MYO1F: variants seen among roughly 807,000 people sequenced by gnomAD.
MYO1F encodes myosin IF.
A neutral mutation model predicts 146.6 loss-of-function variants in MYO1F; 60 were observed. That is an observed-to-expected ratio of 0.41 (90% confidence interval 0.33 to 0.51). The LOEUF (loss-of-function observed/expected upper bound fraction) is 0.51. Among genes scored for constraint, MYO1F ranks in the 20% least tolerant of loss-of-function variants. The probability of loss-of-function intolerance (pLI) is 0.25; values close to 1 mark genes in which losing one functional copy is unlikely to be tolerated. For synonymous variants in MYO1F, 602 were observed against 602.1 expected, an observed-to-expected ratio of 1.00 and a Z score of 0.00; for missense variants, 1,274 against 1,534.3, an observed-to-expected ratio of 0.83 and a Z score of 2.83.
intron 1 of MYO1F, among the ~76,000 whole-genome samples, chr19:8,568,422 C>CAAAAAAA (rs55833513): frequency 0.15 from 9,774 of 65,908 alleles, 1,178 homozygotes; most frequent in South Asian, 0.17. Context: ...GACTCCGTCT[C>CAAAAAAA]AAAAAAAAAA....
At position 8,553,169 on chromosome 19, in the gene MYO1F, C is replaced by T. The variant is rs750365581; in HGVS notation, c.474G>A (p.Lys158=). The T allele has an allele frequency of 2.5e-6, 4 of 1,614,198 alleles. No homozygotes were observed. The highest frequency in any genetic ancestry group is 3.4e-6 in the Non-Finnish European group (4 of 1,180,048). Reference sequence around the variant, plus strand: ...GGCTGGAATTGTTGTTGCGCACAGTCTTGGCGTTGCCGAAGGCCTCGAGCA... The same window carrying T: ...GGCTGGAATTGTTGTTGCGCACAGTTTTGGCGTTGCCGAAGGCCTCGAGCA... ...NPLLEAFGNA[K]TVRNNNSSRF... is the part of the protein sequence containing the mutation. The change falls in exon 6 of 28, where the codon AAG becomes AAA. Residue 158 remains lysine (K), a synonymous_variant. Coordinates refer to ENST00000644032, the MANE Select transcript of MYO1F (RefSeq NM_012335.4).
At chr19:8,544,000 TGGTGGC>T (rs1176648618) in intron 14 of MYO1F, 12,305 of 154,598 alleles carry the variant, frequency 0.08, 705 homozygotes, top group Admixed American at 0.13. Flanking sequence ...GTGGTGCTGG[TGGTGGC>T]GGTGGCGGTG....
chr19:8,575,444 G>A (rs993844206), intron 1 of MYO1F, among the ~76,000 whole-genome samples: 1 of 151,982 alleles, frequency 6.6e-6, no homozygotes, highest in African/African-American at 2.4e-5. Context: ...CAGGGTTTGC[G>A]ATCCTGTGAT....
At chr19:8,552,289 G>T in intron 6 of MYO1F, 125 bp from the exon 7 acceptor site, 1 of 1,057,872 alleles carries the variant, frequency 9.5e-7, no homozygotes, top group Non-Finnish European at 1.4e-6. Context: ...GACAGAATCT[G>T]ACTCTGTTGC....
chr19:8,535,954 T>G (rs750084762), intron 19 of MYO1F, among the ~76,000 whole-genome samples: 1 of 152,136 alleles, frequency 6.6e-6, no homozygotes, highest in African/African-American at 2.4e-5. Flanking sequence ...GTGCTGGGAT[T>G]ACAGGCATGA....
chr19:8,548,232 C>G lies in MYO1F; in HGVS notation c.1182+5G>C, dbSNP rs780824357. 6.2e-7 allele frequency: 1 copy of G among 1,613,794 alleles called. No individual in the cohort carries two copies. Among genetic ancestry groups the G allele is most frequent in the Non-Finnish European group, 8.5e-7 (1 of 1,179,942 alleles). Reference sequence around the variant, plus strand: ...AGGATGTGGGCTGGAGGCAGGGGGCCGTACCTGGAAGATCTCGAAGCCGTA... The same window carrying G: ...AGGATGTGGGCTGGAGGCAGGGGGCGGTACCTGGAAGATCTCGAAGCCGTA... On this transcript the variant is annotated splice_donor_5th_base_variant and intron_variant, in intron 11 of 27. Transcript: ENST00000644032.
intron 1 of MYO1F, among the ~76,000 whole-genome samples, chr19:8,556,319 C>T (rs1229916588): frequency 4.0e-5 from 6 of 150,736 alleles, no homozygotes; most frequent in South Asian, 2.1e-4. Flanking sequence ...CGTGAGCCAC[C>T]GCACCCGGCC....
intron 1 of MYO1F, among the ~76,000 whole-genome samples, chr19:8,564,572 T>A (rs947972678): frequency 6.6e-5 from 10 of 151,820 alleles, no homozygotes; most frequent in Admixed American, 2.6e-4. Context: ...GAGGCCCAGA[T>A]GGGACGAGGG....
rs1568354931 is a variant in MYO1F at position 8,548,075 on chromosome 19, C to T, written c.1230G>A (p.Leu410=). ...QFCINFVNEK[L]QQIFIELTLK... The stretch of plus-strand genomic sequence containing the variant: ...GGGTAAGTTCGATAAAGATTTGCTG[C>T]AGCTTCTCATTGACGAAGTTGATGC... Residue 410 remains leucine (L), a synonymous_variant, in exon 12 of 28, where the codon CTG becomes CTA. Coordinates refer to ENST00000644032, the MANE Select transcript of MYO1F (RefSeq NM_012335.4). The T allele has an allele frequency of 6.2e-7, 1 of 1,612,972 alleles. No homozygotes were observed.
intron 2 of MYO1F, 90 bp downstream of exon 2, chr19:8,555,569 C>T (rs1973813692): frequency 1.9e-6 from 3 of 1,574,980 alleles, no homozygotes; most frequent in African/African-American, 1.3e-5. Context: ...CGGCCCATTC[C>T]TCCCTCTGCT....
rs138068763 is a variant in MYO1F at position 8,532,170 on chromosome 19, A to G, written c.2044-1597T>C. 7.3e-3 allele frequency among the ~76,000 whole-genome samples: 1,115 copies of G among 152,228 alleles called. 14 individuals are homozygous for G. The highest frequency in any genetic ancestry group is 0.025 in the African/African-American group (1,020 of 41,554). ...AACTCCATCTCAAAAAAAAAAAGAA[A>G]GAAAAAGAAAATCTGATGTGTAGAA... On this transcript the variant is annotated intron_variant, in intron 19 of 27. Transcript: ENST00000644032.
In MYO1F at chr19:8,544,561, G is replaced by A; in HGVS notation, c.1357-97C>T. 4.2e-6 allele frequency: 5 copies of A among 1,190,048 alleles called. No individual in the cohort carries two copies. In the South Asian group the frequency reaches 5.2e-5, roughly 12 times the overall value. The allele number at this position is 1,190,048 out of a possible 1,614,324, so 73.7% of individuals were successfully genotyped here. On this transcript the variant is annotated intron_variant, in intron 13 of 27. Coordinates refer to ENST00000644032, the MANE Select transcript of MYO1F (RefSeq NM_012335.4). The stretch of plus-strand genomic sequence containing the variant: ...AGATTAGGGGAGGGAGGGGGTGGAG[G>A]AGTGGAGGGAGCTAGAGCTTTGGGG...
intron 1 of MYO1F, among the ~76,000 whole-genome samples, chr19:8,565,929 A>AAAAAAAT (rs1053213505): frequency 6.6e-6 from 1 of 151,852 alleles, no homozygotes; most frequent in Non-Finnish European, 1.5e-5. Flanking sequence ...ATCTCTGCAA[A>AAAAAAAT]AAAAAATAAA....
intron 19 of MYO1F, among the ~76,000 whole-genome samples, chr19:8,532,070 AT>A (rs1398646890): frequency 6.6e-6 from 1 of 151,940 alleles, no homozygotes; most frequent in Non-Finnish European, 1.5e-5. Flanking sequence ...GTGAGCGGAG[AT>A]TGCGCCACTG....
Position 8,553,453 on chromosome 19 carries a change from G to A in MYO1F, c.327-16C>T. The A allele has an allele frequency of 6.2e-7, 1 of 1,608,386 alleles. No individual in the cohort carries two copies. The highest frequency in any genetic ancestry group is 1.7e-4 in the Middle Eastern group (1 of 6,048). ...ACTCTCTCCACTGGGGATGAATGGA[G>A]GAATAAATGATCAGTGGTTGGGGAA... is the stretch of plus-strand genomic sequence containing the variant. On this transcript the variant is annotated splice_polypyrimidine_tract_variant and intron_variant, in intron 4 of 27. Transcript: ENST00000644032.
At chr19:8,524,029 G>A (rs138785496) in intron 25 of MYO1F, among the ~76,000 whole-genome samples, 20,832 of 143,702 alleles carry the variant, frequency 0.14, 1,531 homozygotes, top group Non-Finnish European at 0.17. Flanking sequence ...TGAGGCAGGA[G>A]AATTGCTTCA....
intron 21 of MYO1F, 90 bp from the exon 22 acceptor site, chr19:8,527,573 A>T: frequency 6.5e-7 from 1 of 1,528,228 alleles, no homozygotes. Context: ...TGGTGCTGGC[A>T]GGTCAGGTGA....
At position 8,570,683 on chromosome 19, in the gene MYO1F, T is replaced by TG. The variant is rs1239455954; in HGVS notation, c.3+6623_3+6624insC. 4.6e-5 allele frequency among the ~76,000 whole-genome samples: 7 copies of TG among 151,970 alleles called. No homozygotes were observed. In the East Asian group the frequency reaches 1.3e-3, roughly 29 times the overall value. On this transcript the variant is annotated intron_variant, in intron 1 of 27. Transcript: ENST00000644032. The stretch of plus-strand genomic sequence containing the variant: ...CCACCGCACCCAACCACATTTTTTT[T>TG]TTTTTAAATAGAGACAAAGTCTAAC...
In MYO1F at chr19:8,522,384, G is replaced by A. The variant is rs751232220; in HGVS notation, c.3213C>T (p.Leu1071=). 2 of 1,614,034 alleles carry A rather than the reference G, an allele frequency of 1.2e-6. No homozygotes were observed. Among genetic ancestry groups the A allele is most frequent in the South Asian group, 1.1e-5 (1 of 91,076 alleles). Residue 1071 remains leucine, a synonymous_variant, in exon 27 of 28, where the codon CTC becomes CTT. Transcript: ENST00000644032. ...SFNVNEVIEI[L]MEDPSGWWKG... is the part of the protein sequence containing the mutation. Reference sequence around the variant, plus strand: ...CTGCCCTGGTACACACACCTTCCATGAGGATCTCAATGACCTCGTTCACGT... The same window carrying A: ...CTGCCCTGGTACACACACCTTCCATAAGGATCTCAATGACCTCGTTCACGT...
Sources: allele counts gnomAD v4.1 joint callset (sites outside exome capture counted in the v4.1 genomes callset), GRCh38; gene constraint gnomAD v4.1.1; transcripts MANE v1.5; gene names NCBI Gene and HGNC (gene_info 2026-07-23, HGNC 2026-07-21).